Variants in MUC15 observed in about 807,000 individuals in gnomAD.
MUC15 encodes the protein mucin 15, cell surface associated.
Under a neutral mutation model 24.0 loss-of-function variants are expected in MUC15, and 23 were observed. The ratio of observed to expected loss-of-function variants is 0.96; its 90% CI spans 0.69 to 1.36. The LOEUF (loss-of-function observed/expected upper bound fraction) is 1.36, where lower values mean the gene tolerates loss of function less well. Among genes scored for constraint, MUC15 ranks in the 40% most tolerant of loss-of-function variants. MUC15 has a pLI of 0.00. For synonymous variants in MUC15, 151 were observed against 156.3 expected (o/e 0.97, Z 0.25); for missense variants, 442 against 428.2 (o/e 1.03, Z -0.29).
Position 26,567,134 on chromosome 11 carries a change from C to G in MUC15, c.-40G>C, listed in dbSNP as rs1452221625. The G allele has an allele frequency of 2.1e-6, 3 of 1,425,842 alleles. No individual in the cohort carries two copies. Among genetic ancestry groups the G allele is most frequent in the Non-Finnish European group, 2.8e-6 (3 of 1,080,918 alleles). 88.3% of individuals were successfully genotyped at this position (1,425,842 alleles called of 1,614,324 possible). On this transcript the variant is annotated 5_prime_UTR_variant, in exon 2 of 5. Transcript: ENST00000529533. ...AACTGAAGCTCACAATGGCTAGTAA[C>G]AGAAGCTGGAAAATGGAAGAGGCAA...
At chr11:26,563,338 T>C (rs1850372283) in intron 3 of MUC15, 73 bp from the exon 4 acceptor site, 1 of 1,405,464 alleles carries the variant, frequency 7.1e-7, no homozygotes, top group Non-Finnish European at 9.6e-7. Context: ...ATGTGAACTT[T>C]CCATATAACA....
intron 1 of MUC15, among the ~76,000 whole-genome samples, chr11:26,570,371 T>G (rs1196018455): frequency 2.0e-5 from 3 of 152,094 alleles, no homozygotes; most frequent in Non-Finnish European, 4.4e-5. Flanking sequence ...ACTGTCCATA[T>G]TTTTGCTTCC....
At chr11:26,569,059 G>A (rs1322213078) in intron 1 of MUC15, among the ~76,000 whole-genome samples, 1 of 151,956 alleles carries the variant, frequency 6.6e-6, no homozygotes, top group East Asian at 1.9e-4. Context: ...AATATTATGT[G>A]AGAGACATGG....
intron 1 of MUC15, among the ~76,000 whole-genome samples, chr11:26,570,273 T>C (rs1486507965): frequency 6.6e-6 from 1 of 152,098 alleles, no homozygotes; most frequent in Non-Finnish European, 1.5e-5. Context: ...TTCACATTAT[T>C]ACTTTTGTAT....
In MUC15 at chr11:26,569,340, A is replaced by C. The variant is rs560828035; in HGVS notation, c.-45-2201T>G. 5.0e-4 allele frequency among the ~76,000 whole-genome samples: 76 copies of C among 152,260 alleles called. No individual in the cohort carries two copies. In the South Asian group the frequency reaches 7.5e-3, roughly 15 times the overall value. The stretch of plus-strand genomic sequence containing the variant: ...GTTCAGTATGTTGTGAATACTATTA[A>C]ATATTTATGGTTTATTCAGAAATTT... On this transcript the variant is annotated intron_variant, in intron 1 of 4. Transcript: ENST00000529533.
chr11:26,568,861 A>G (rs968207963), intron 1 of MUC15, among the ~76,000 whole-genome samples: 5 of 151,952 alleles, frequency 3.3e-5, no homozygotes, highest in Non-Finnish European at 1.5e-5. Context: ...CAGCAAACAT[A>G]ATGCTCCTTT....
intron 1 of MUC15, among the ~76,000 whole-genome samples, chr11:26,571,547 TTCTAA>T (rs1850827914): frequency 1.3e-5 from 2 of 152,202 alleles, no homozygotes; most frequent in African/African-American, 2.4e-5. Flanking sequence ...TTATAGAAGC[TTCTAA>T]TCTATTTTAT....
rs1259228729 is a variant in MUC15 at position 26,565,619 on chromosome 11, G to A, written c.321C>T (p.Asn107=). 1.9e-6 allele frequency: 3 copies of A among 1,612,764 alleles called. No individual in the cohort carries two copies. The highest frequency in any genetic ancestry group is 1.1e-5 in the South Asian group (1 of 91,044). ...SHSPPLNLPN[N]SHGITDFSSN... The stretch of plus-strand genomic sequence containing the variant: ...TGGAGAAATCTGTTATTCCGTGGCT[G>A]TTGTTGGGTAGATTCAAAGGAGGGG... Residue 107 remains asparagine, a synonymous_variant, in exon 3 of 5, where the codon AAC becomes AAT. Coordinates refer to ENST00000529533, the MANE Select transcript of MUC15 (RefSeq NM_001135091.2).
Position 26,559,983 on chromosome 11 carries a change from T to C in MUC15, c.*1082A>G, listed in dbSNP as rs1850222471. On this transcript the variant is annotated 3_prime_UTR_variant, in exon 5 of 5. Coordinates refer to ENST00000529533, the MANE Select transcript of MUC15 (RefSeq NM_001135091.2). ...TTTAACTCTTGATCTCATCCTCTAA[T>C]CTCTAAAACCTAGACTTTCCTACAT... The C allele has an allele frequency of 2.3e-6, 1 of 431,350 alleles. No homozygotes were observed. The highest frequency in any genetic ancestry group is 4.1e-6 in the Non-Finnish European group (1 of 241,942). 26.7% of individuals were successfully genotyped at this position (431,350 alleles called of 1,614,324 possible).
chr11:26,559,628 G>T lies in MUC15; in HGVS notation c.*1437C>A. On this transcript the variant is annotated 3_prime_UTR_variant, in exon 5 of 5. Coordinates refer to ENST00000529533, the MANE Select transcript of MUC15 (RefSeq NM_001135091.2). ...TATAAAATAATATGATTCTATTTGA[G>T]AAAAAATCATAGTACCTGAGTGCAA... The T allele has an allele frequency of 1.1e-6, 1 of 872,404 alleles. No individual in the cohort carries two copies. Among genetic ancestry groups the T allele is most frequent in the South Asian group, 1.4e-5 (1 of 72,622 alleles). 54.0% of individuals were successfully genotyped at this position (872,404 alleles called of 1,614,324 possible).
Position 26,565,335 on chromosome 11 carries a change from G to T in MUC15, c.605C>A (p.Pro202Gln). The change falls in exon 3 of 5, where the codon CCA (proline) becomes CAA (glutamine). Residue 202 changes from proline (P) to glutamine (Q), a missense_variant. Physicochemically the swap from Pro to Gln is moderately conservative, Grantham distance 76. Transcript: ENST00000529533. ...SITVSILSSE[P>Q]TSPSVTPLIV... ...CAAGGGGGTCACAGATGGAGAAGTT[G>T]GTTCTGAAGAGAGGATGCTAACTGT... is the stretch of plus-strand genomic sequence containing the variant. 6.2e-7 allele frequency: 1 copy of T among 1,611,466 alleles called. No homozygotes were observed. The highest frequency in any genetic ancestry group is 8.5e-7 in the Non-Finnish European group (1 of 1,178,536).
At chr11:26,571,115 C>T (rs1459231062) in intron 1 of MUC15, among the ~76,000 whole-genome samples, 1 of 152,002 alleles carries the variant, frequency 6.6e-6, no homozygotes, top group Non-Finnish European at 1.5e-5. Flanking sequence ...TGACCTGCTA[C>T]CTTGGGAGTT....
chr11:26,562,752 A>G (rs754667858), intron 4 of MUC15, among the ~76,000 whole-genome samples: 27 of 152,048 alleles, frequency 1.8e-4, no homozygotes, highest in Admixed American at 3.3e-4. Flanking sequence ...CTGCTACTTA[A>G]TGATCTAACA....
Position 26,565,514 on chromosome 11 carries a change from G to A in MUC15, c.426C>T (p.Ser142=). ...TISTSPPLIH[S]FVSKVPWNAP... The stretch of plus-strand genomic sequence containing the variant: ...CATTCCAAGGCACTTTAGAAACAAA[G>A]CTATGGATCAAGGGAGGGCTTGTGG... The change falls in exon 3 of 5, where the codon AGC becomes AGT. Residue 142 remains serine (S), a synonymous_variant. Coordinates refer to ENST00000529533, the MANE Select transcript of MUC15 (RefSeq NM_001135091.2). The A allele has an allele frequency of 1.2e-6, 2 of 1,613,336 alleles. No homozygotes were observed. Among genetic ancestry groups the A allele is most frequent in the South Asian group, 2.2e-5 (2 of 91,068 alleles).
At position 26,559,679 on chromosome 11, in the gene MUC15, C is replaced by G; in HGVS notation, c.*1386G>C. 1 of 1,452,622 alleles carries G rather than the reference C, an allele frequency of 6.9e-7. No homozygotes were observed. Among genetic ancestry groups the G allele is most frequent in the Non-Finnish European group, 9.7e-7 (1 of 1,033,792 alleles). The allele number at this position is 1,452,622 out of a possible 1,614,324, so 90.0% of individuals were successfully genotyped here. A position where few individuals can be genotyped will look rare whatever the true frequency, so the allele number is the denominator to read the frequency against. ...ACAGTATTCACTGGCTTATTATAAT[C>G]AATTTGCATGACTAATATTTCTGTT... is the stretch of plus-strand genomic sequence containing the variant. On this transcript the variant is annotated 3_prime_UTR_variant, in exon 5 of 5. Transcript: ENST00000529533.
intron 4 of MUC15, among the ~76,000 whole-genome samples, chr11:26,562,276 C>T (rs1850324186): frequency 6.6e-6 from 1 of 151,894 alleles, no homozygotes; most frequent in Non-Finnish European, 1.5e-5. Flanking sequence ...TTATAATTTA[C>T]AGATTTGGTT....
Position 26,559,531 on chromosome 11 carries a change from C to A in MUC15, c.*1534G>T. 1 of 565,194 alleles carries A rather than the reference C, an allele frequency of 1.8e-6. No homozygotes were observed. Among genetic ancestry groups the A allele is most frequent in the East Asian group, 2.9e-5 (1 of 34,304 alleles). The allele number at this position is 565,194 out of a possible 1,614,324, so 35.0% of individuals were successfully genotyped here. On this transcript the variant is annotated 3_prime_UTR_variant, in exon 5 of 5. Coordinates refer to ENST00000529533, the MANE Select transcript of MUC15 (RefSeq NM_001135091.2). The stretch of plus-strand genomic sequence containing the variant: ...GAGGGCTAATGTTGTTTCTTCACCT[C>A]TCCCCATGAGAAAAATCATGTGAAA...
At chr11:26,568,255 A>C (rs191918829) in intron 1 of MUC15, among the ~76,000 whole-genome samples, 535 of 152,196 alleles carry the variant, frequency 3.5e-3, no homozygotes, top group African/African-American at 0.012. Context: ...ATGGTGAAGA[A>C]GGGCTTATTA....
intron 3 of MUC15, among the ~76,000 whole-genome samples, chr11:26,564,571 A>T (rs1850442128): frequency 6.7e-6 from 1 of 149,578 alleles, no homozygotes; most frequent in African/African-American, 2.4e-5. Flanking sequence ...AGATTGACAT[A>T]ATCCTTAAAT....
Sources: allele counts gnomAD v4.1 joint callset (sites outside exome capture counted in the v4.1 genomes callset), GRCh38; gene constraint gnomAD v4.1.1; transcripts MANE v1.5; gene names NCBI Gene and HGNC (gene_info 2026-07-23, HGNC 2026-07-21).